The following BRD4 variants were observed in gnomAD, a reference collection of about 807,000 sequenced individuals.
BRD4 encodes bromodomain containing 4, also known as bromodomain-containing protein 4.
In BRD4, 16 loss-of-function variants were observed where a neutral mutation model predicts 142.1. The observed-to-expected ratio is 0.11, with a 90% CI of 0.08 to 0.17. The LOEUF (loss-of-function observed/expected upper bound fraction) is 0.17, where lower values mean the gene tolerates loss of function less well. Ranked by LOEUF, BRD4 falls within the 10% of genes least tolerant of loss-of-function variation. BRD4 has a pLI of 1.00. For missense variants in BRD4, 1,424 were observed against 1,810.9 expected (o/e 0.79, Z 3.88); for synonymous variants, 833 against 707.5 (o/e 1.18, Z -2.82).
chr19:15,312,111 T>C (rs1231114104), intron 1 of BRD4, among the ~76,000 whole-genome samples: 1 of 152,232 alleles, frequency 6.6e-6, no homozygotes, highest in Non-Finnish European at 1.5e-5. Flanking sequence ...CATTCCTCAA[T>C]ACTAACATGG....
intron 7 of BRD4, 154 bp from the exon 8 acceptor site, chr19:15,257,327 C>A (rs1363335774): frequency 1.6e-5 from 11 of 694,644 alleles, no homozygotes; most frequent in Non-Finnish European, 1.9e-5. Context: ...GAGACAGGGG[C>A]AAGGGCCAGC....
chr19:15,292,777 C>CAAAAAAAAAAA (rs57341445), intron 1 of BRD4, among the ~76,000 whole-genome samples: 55 of 57,248 alleles, frequency 9.6e-4, no homozygotes, highest in Non-Finnish European at 1.4e-3. Context: ...GACTCCGTCT[C>CAAAAAAAAAAA]AAAAAAAAAA....
chr19:15,256,791 G>A (rs560143568), intron 8 of BRD4, among the ~76,000 whole-genome samples, 173 bp downstream of exon 8: 44 of 152,252 alleles, frequency 2.9e-4, no homozygotes. Flanking sequence ...TCATACATAC[G>A]TGTATGATCA....
chr19:15,242,941 T>C lies in BRD4; in HGVS notation c.3128A>G (p.His1043Arg). ...CGACTTGTGGTGCCGGGGTGAATGG[T>C]GGTGCTGGATGACTTGCTGAGGCTT... The part of the protein sequence containing the change: ...PAKPQQVIQH[H>R]HSPRHHKSDP... The change falls in exon 14 of 20, where the codon CAC becomes CGC. Residue 1043 changes from histidine to arginine, a missense_variant. By Grantham distance (29) the His-to-Arg change is conservative. Around this residue, in one of 16 missense-constraint regions of BRD4, gnomAD observed 598 missense variants for 647.8 expected, o/e 0.92. Coordinates refer to ENST00000679869, the MANE Select transcript of BRD4 (RefSeq NM_001379291.1). 2 of 1,525,604 alleles carry C rather than the reference T, an allele frequency of 1.3e-6. No homozygotes were observed. The allele number at this position is 1,525,604 out of a possible 1,614,324, so 94.5% of individuals were successfully genotyped here.
chr19:15,276,406 T>C (rs2047647189), intron 1 of BRD4, among the ~76,000 whole-genome samples: 3 of 148,530 alleles, frequency 2.0e-5, no homozygotes, highest in Admixed American at 2.0e-4. Context: ...ATCTAGGCTC[T>C]AACAACAAGT....
intron 11 of BRD4, chr19:15,246,392 G>A (rs1387026338): frequency 6.6e-6 from 1 of 152,370 alleles, no homozygotes; most frequent in Non-Finnish European, 1.5e-5. Flanking sequence ...ACAAGGAGGT[G>A]ATGGAGCCGC....
chr19:15,254,082 CA>C (rs1452226439), intron 11 of BRD4, 69 bp downstream of exon 11: 4 of 1,331,812 alleles, frequency 3.0e-6, no homozygotes, highest in Non-Finnish European at 4.3e-6. Flanking sequence ...ATCCTGGACA[CA>C]GGACCGAGCT....
chr19:15,285,229 C>A lies in BRD4; in HGVS notation c.-34-12096G>T, dbSNP rs577341669. On this transcript the variant is annotated intron_variant, in intron 1 of 19. Coordinates refer to ENST00000679869, the MANE Select transcript of BRD4 (RefSeq NM_001379291.1). The stretch of plus-strand genomic sequence containing the variant: ...ACTTAACTGGTAAGGAATTTTCAGA[C>A]CAATAGAAACCAAAACCCAGGGCAG... Among the ~76,000 whole-genome samples the A allele has an allele frequency of 4.6e-5, 7 of 152,294 alleles. No individual in the cohort carries two copies. The East Asian group carries it at 1.3e-3, about 29-fold the overall frequency.
chr19:15,325,908 G>T (rs1470307622), intron 1 of BRD4, among the ~76,000 whole-genome samples: 1 of 141,498 alleles, frequency 7.1e-6, no homozygotes, highest in Non-Finnish European at 1.5e-5. Context: ...TGAGGCAGGA[G>T]AATCACTTGA....
chr19:15,250,048 T>C (rs1002219039), intron 11 of BRD4, among the ~76,000 whole-genome samples: 5 of 152,304 alleles, frequency 3.3e-5, no homozygotes, highest in African/African-American at 7.2e-5. Context: ...CCCACCCACG[T>C]AGCAGAGCGG....
rs2047212618 is a variant in BRD4, at chr19:15,238,631, C to T, written c.4020+112G>A. 3 of 1,457,886 alleles carry T rather than the reference C, an allele frequency of 2.1e-6. No individual in the cohort carries two copies. Among genetic ancestry groups the T allele is most frequent in the Non-Finnish European group, 2.7e-6 (3 of 1,102,246 alleles). The allele number at this position is 1,457,886 out of a possible 1,614,324, so 90.3% of individuals were successfully genotyped here. On this transcript the variant is annotated intron_variant, in intron 19 of 19. Transcript: ENST00000679869. This position sits in a 1 kb window ranked among gnomAD's most constrained non-coding sequence, Gnocchi z 7.2. ...GTCCAGAGGACCACATGCCGACCAG[C>T]AGGGACGGGGCTCCCCCGCTGCCCC...
At chr19:15,330,868 C>T (rs2145027380) in intron 1 of BRD4, among the ~76,000 whole-genome samples, 1 of 152,300 alleles carries the variant, frequency 6.6e-6, no homozygotes, top group South Asian at 2.1e-4. Context: ...GTATCGCTTT[C>T]TTTACAACTT....
intron 1 of BRD4, among the ~76,000 whole-genome samples, chr19:15,317,984 G>A (rs1232787762): frequency 6.6e-6 from 1 of 152,152 alleles, no homozygotes; most frequent in African/African-American, 2.4e-5. Flanking sequence ...CTATTACTTG[G>A]CAGCTTTTTA....
intron 11 of BRD4, among the ~76,000 whole-genome samples, chr19:15,251,617 C>G (rs1251429682): frequency 6.6e-6 from 1 of 152,094 alleles, no homozygotes; most frequent in African/African-American, 2.4e-5. Flanking sequence ...GCTGAAGGAG[C>G]TACGCCCCCT....
intron 11 of BRD4, among the ~76,000 whole-genome samples, chr19:15,251,721 A>C (rs1451524734): frequency 6.6e-6 from 1 of 152,114 alleles, no homozygotes; most frequent in Non-Finnish European, 1.5e-5. Context: ...CCATTTCGGG[A>C]TCTGCCGTAC....
intron 1 of BRD4, among the ~76,000 whole-genome samples, chr19:15,299,557 C>T (rs542503381): frequency 6.6e-6 from 1 of 152,122 alleles, no homozygotes; most frequent in African/African-American, 2.4e-5. Flanking sequence ...AGAAGCTGGT[C>T]GACACAATTT....
At chr19:15,312,562 G>GCGGAAGTTGCAGTGAGC (rs1456862138) in intron 1 of BRD4, among the ~76,000 whole-genome samples, 1 of 152,020 alleles carries the variant, frequency 6.6e-6, no homozygotes, top group Non-Finnish European at 1.5e-5. Flanking sequence ...AACGCGGGAG[G>GCGGAAGTTGCAGTGAGC]CGGAAGTTGC....
intron 1 of BRD4, among the ~76,000 whole-genome samples, chr19:15,313,016 G>T (rs1408734934): frequency 6.6e-6 from 1 of 152,026 alleles, no homozygotes; most frequent in East Asian, 1.9e-4. Flanking sequence ...AGGTTGCCAT[G>T]AGCCAAGACT....
chr19:15,289,113 C>T (rs1039418323), intron 1 of BRD4, among the ~76,000 whole-genome samples: 1 of 152,180 alleles, frequency 6.6e-6, no homozygotes, highest in African/African-American at 2.4e-5. Context: ...GACACAGGCC[C>T]CATAGCTCTG....
Sources: allele counts gnomAD v4.1 joint callset (sites outside exome capture counted in the v4.1 genomes callset), GRCh38; gene constraint gnomAD v4.1.1; regional missense constraint gnomAD v4.1.1; non-coding constraint Gnocchi (gnomAD v3.1); transcripts MANE v1.5; gene names NCBI Gene and HGNC (gene_info 2026-07-23, HGNC 2026-07-21).